The following ITPR1 variants were observed in gnomAD, a reference collection of about 807,000 sequenced individuals.
ITPR1 encodes the protein inositol 1,4,5-trisphosphate-gated calcium channel ITPR1.
A neutral mutation model predicts 318.4 loss-of-function variants in ITPR1; 96 were observed. The ratio of observed to expected loss-of-function variants is 0.30; its 90% confidence interval spans 0.26 to 0.36. The LOEUF (loss-of-function observed/expected upper bound fraction) is 0.36. Among genes scored for constraint, ITPR1 ranks in the 10% least tolerant of loss-of-function variants. The probability of loss-of-function intolerance (pLI) is 1.00; values close to 1 mark genes in which losing one functional copy is unlikely to be tolerated. For synonymous variants in ITPR1, 1,312 were observed against 1,289.9 expected (o/e 1.02, Z -0.37); for missense variants, 2,440 against 3,460.2 (o/e 0.71, Z 7.40).
intron 4 of ITPR1, among the ~76,000 whole-genome samples, chr3:4,616,823 A>G (rs1034376797): frequency 1.1e-4 from 17 of 152,250 alleles, no homozygotes; most frequent in East Asian, 3.9e-4. Flanking sequence ...GGAAACTCCT[A>G]TCTTCTTCCT....
At chr3:4,814,611 G>GC in intron 58 of ITPR1, 49 bp downstream of exon 58, 4 of 707,944 alleles carry the variant, frequency 5.7e-6, no homozygotes, top group Non-Finnish European at 9.5e-6. Flanking sequence ...GGGTGGGGTG[G>GC]TTGGTGGGAG....
chr3:4,496,917 GT>G (rs941933307), intron 2 of ITPR1, among the ~76,000 whole-genome samples: 1 of 152,242 alleles, frequency 6.6e-6, no homozygotes, highest in Non-Finnish European at 1.5e-5. Flanking sequence ...CTGGAGTTAG[GT>G]TTCTAGGTCA....
chr3:4,628,241 A>G (rs753995546), intron 5 of ITPR1, among the ~76,000 whole-genome samples: 1 of 152,020 alleles, frequency 6.6e-6, no homozygotes, highest in Non-Finnish European at 1.5e-5. Context: ...CTGTTATGTC[A>G]CCTGTAAAAT....
chr3:4,554,302 A>G (rs1369383692), intron 4 of ITPR1, among the ~76,000 whole-genome samples: 2 of 152,220 alleles, frequency 1.3e-5, no homozygotes, highest in Non-Finnish European at 2.9e-5. Context: ...TTTGTCAGAA[A>G]TGAGTACAGT....
chr3:4,662,430 A>G (rs1003273915), intron 15 of ITPR1, among the ~76,000 whole-genome samples, 188 bp downstream of exon 15: 2 of 152,306 alleles, frequency 1.3e-5, no homozygotes, highest in Middle Eastern at 3.4e-3. Flanking sequence ...TTGAGTCTCT[A>G]AAATTATGAA....
At chr3:4,546,465 G>A (rs2085011198) in intron 4 of ITPR1, among the ~76,000 whole-genome samples, 1 of 152,148 alleles carries the variant, frequency 6.6e-6, no homozygotes, top group Non-Finnish European at 1.5e-5. Flanking sequence ...CCAAGACTTG[G>A]AGCTAAGAGT....
chr3:4,703,323 C>G (rs2094694030), intron 36 of ITPR1, among the ~76,000 whole-genome samples: 1 of 152,124 alleles, frequency 6.6e-6, no homozygotes, highest in South Asian at 2.1e-4. Flanking sequence ...TAACTTTTTC[C>G]TGGAAAGCAC....
intron 60 of ITPR1, among the ~76,000 whole-genome samples, chr3:4,819,928 G>C (rs1355652545): frequency 6.6e-6 from 1 of 152,220 alleles, no homozygotes; most frequent in Non-Finnish European, 1.5e-5. Context: ...CCTAGGAACA[G>C]TTCAGAAGGA....
intron 44 of ITPR1, among the ~76,000 whole-genome samples, chr3:4,737,917 G>A (rs903602380): frequency 3.3e-5 from 5 of 152,150 alleles, no homozygotes; most frequent in African/African-American, 7.2e-5. Flanking sequence ...GCTGGGACAC[G>A]GATGGAGCTG....
chr3:4,570,066 A>G (rs2087820057), intron 4 of ITPR1, among the ~76,000 whole-genome samples: 1 of 152,160 alleles, frequency 6.6e-6, no homozygotes, highest in Admixed American at 6.5e-5. Context: ...GTATTTTTAC[A>G]CTCATACTTT....
chr3:4,726,662 T>G (rs1389327287), intron 41 of ITPR1, among the ~76,000 whole-genome samples: 2 of 152,192 alleles, frequency 1.3e-5, no homozygotes, highest in Non-Finnish European at 2.9e-5. Flanking sequence ...GTTACAAGAC[T>G]TGTGTACTTG....
At chr3:4,815,985 TACACACACACAC>T (rs10607666) in intron 59 of ITPR1, among the ~76,000 whole-genome samples, 23 of 149,696 alleles carry the variant, frequency 1.5e-4, no homozygotes, top group African/African-American at 4.9e-4. Flanking sequence ...ATTTGCTTTA[TACACACACACAC>T]ACACACACAC....
At chr3:4,517,757 C>T (rs1559372238) in intron 3 of ITPR1, among the ~76,000 whole-genome samples, 1 of 152,176 alleles carries the variant, frequency 6.6e-6, no homozygotes, top group Non-Finnish European at 1.5e-5. Context: ...GCAAAGAGGC[C>T]TCCTTCTGCC....
intron 30 of ITPR1, among the ~76,000 whole-genome samples, chr3:4,688,249 T>G (rs536871339): frequency 1.3e-4 from 16 of 124,738 alleles, no homozygotes; most frequent in Non-Finnish European, 2.4e-4. Flanking sequence ...GACTCATGGA[T>G]GCCTTCTATT....
rs2092098860 is a variant in ITPR1, at chr3:4,611,250, A to C, written c.164-16513A>C. Among the ~76,000 whole-genome samples, 8 of 149,430 alleles carry C rather than the reference A, an allele frequency of 5.4e-5. No homozygotes were observed. In the South Asian group the frequency reaches 1.7e-3, roughly 32 times the overall value. On this transcript the variant is annotated intron_variant, in intron 4 of 61. Coordinates refer to ENST00000649015, the MANE Select transcript of ITPR1 (RefSeq NM_001378452.1). ...TCTCTACAAAAAAAAAAACAAAAAA[A>C]AAACTATATATGTACAAAAATTAGC... is the stretch of plus-strand genomic sequence containing the variant.
chr3:4,661,219 T>C (rs1207039321), intron 14 of ITPR1, 132 bp downstream of exon 14: 8 of 536,764 alleles, frequency 1.5e-5, no homozygotes, highest in Non-Finnish European at 2.4e-5. Context: ...TGGCCGAACT[T>C]GAATGTGACA....
At position 4,571,703 on chromosome 3, in the gene ITPR1, G is replaced by A. The variant is rs1341192995; in HGVS notation, c.163+50609G>A. ...GGCCTTCATCAGGGAATATTTGGGG[G>A]TAAAGAACAGAAACCCACTCAAGTT... is the stretch of plus-strand genomic sequence containing the variant. On this transcript the variant is annotated intron_variant, in intron 4 of 61. Coordinates refer to ENST00000649015, the MANE Select transcript of ITPR1 (RefSeq NM_001378452.1). Among the ~76,000 whole-genome samples, 9 of 152,060 alleles carry A rather than the reference G, an allele frequency of 5.9e-5. No individual in the cohort carries two copies. In the East Asian group the frequency reaches 1.5e-3, roughly 26 times the overall value.
intron 44 of ITPR1, among the ~76,000 whole-genome samples, chr3:4,760,517 G>T (rs577063070): frequency 6.6e-6 from 1 of 152,290 alleles, no homozygotes; most frequent in East Asian, 1.9e-4. Flanking sequence ...TATACCCATT[G>T]TACCAGTTTT....
At chr3:4,616,413 C>A (rs1221915518) in intron 4 of ITPR1, among the ~76,000 whole-genome samples, 2 of 152,192 alleles carry the variant, frequency 1.3e-5, no homozygotes, top group Non-Finnish European at 2.9e-5. Flanking sequence ...GGAATTAATA[C>A]TCCCTCTTCC....
Sources: gnomAD v4.1 joint callset for allele counts (sites outside exome capture counted in the v4.1 genomes callset) on GRCh38, gnomAD v4.1.1 for gene constraint, MANE v1.5 for transcripts, NCBI Gene and HGNC (gene_info 2026-07-23, HGNC 2026-07-21) for gene names.